Variants in ARSG observed in about 807,000 individuals in gnomAD.
ARSG encodes the protein ASG.
ARSG carries 37 observed loss-of-function variants against 50.5 expected under a neutral mutation model. That is an observed-to-expected ratio of 0.73 (90% confidence interval 0.56 to 0.96). The LOEUF is 0.96. Ranked by LOEUF, ARSG falls within the 50% of genes least tolerant of loss-of-function variation. The pLI, the probability that ARSG is intolerant of heterozygous loss-of-function variation, is 0.00. For synonymous variants in ARSG, 225 were observed against 254.6 expected, an observed-to-expected ratio of 0.88 and a Z score of 1.11; for missense variants, 629 against 675.3, an observed-to-expected ratio of 0.93 and a Z score of 0.76.
intron 11 of ARSG, among the ~76,000 whole-genome samples, chr17:68,412,187 C>T (rs932709016): frequency 1.5e-4 from 21 of 143,622 alleles, no homozygotes; most frequent in African/African-American, 3.7e-4. Flanking sequence ...TTATTTTGCT[C>T]GTTAGTTGAT....
intron 2 of ARSG, among the ~76,000 whole-genome samples, chr17:68,311,839 C>T (rs1266631551): frequency 1.5e-5 from 2 of 137,540 alleles, no homozygotes; most frequent in Non-Finnish European, 1.5e-5. Context: ...CTTGCTCTGT[C>T]GCCCAGGTTG....
intron 9 of ARSG, among the ~76,000 whole-genome samples, chr17:68,393,007 G>C (rs544004275): frequency 6.6e-6 from 1 of 152,122 alleles, no homozygotes; most frequent in Non-Finnish European, 1.5e-5. Flanking sequence ...CAGGTAGAAC[G>C]CCTCAGTTCT....
At chr17:68,291,379 C>T (rs1484213154), upstream of ARSG, 6 of 147,962 alleles carry the variant, frequency 4.1e-5, no homozygotes, top group Admixed American at 6.7e-5. Flanking sequence ...CGCTGCCTAG[C>T]TCTTATCCTA....
chr17:68,402,275 C>T (rs1000156978), intron 11 of ARSG, among the ~76,000 whole-genome samples: 1 of 152,048 alleles, frequency 6.6e-6, no homozygotes, highest in African/African-American at 2.4e-5. Context: ...GACAGAGTCT[C>T]GCTCTGTCGC....
intron 10 of ARSG, among the ~76,000 whole-genome samples, chr17:68,397,916 A>T (rs1301469740): frequency 6.6e-6 from 1 of 152,036 alleles, no homozygotes; most frequent in African/African-American, 2.4e-5. Context: ...ACAGGCGTTC[A>T]CCACCACGCC....
In ARSG at chr17:68,381,613, G is replaced by C. The variant is rs374112100; in HGVS notation, c.983-3451G>C. Reference sequence around the variant, plus strand: ...CTATGGCATAGAGGTATAAAGTCGTGGGCAACAGAAAGCCTGCAGTGACGA... The same window carrying C: ...CTATGGCATAGAGGTATAAAGTCGTCGGCAACAGAAAGCCTGCAGTGACGA... On this transcript the variant is annotated intron_variant, in intron 8 of 11. Transcript: ENST00000621439. This position sits in a 1 kb window ranked among gnomAD's most constrained non-coding sequence, Gnocchi z 4.1. Among the ~76,000 whole-genome samples the C allele has an allele frequency of 6.6e-6, 1 of 152,156 alleles. No individual in the cohort carries two copies. Among genetic ancestry groups the C allele is most frequent in the Admixed American group, 6.5e-5 (1 of 15,272 alleles).
At chr17:68,298,635 G>GACTA (rs1269575996) in intron 1 of ARSG, among the ~76,000 whole-genome samples, 8 of 145,130 alleles carry the variant, frequency 5.5e-5, no homozygotes, top group Non-Finnish European at 1.1e-4. Flanking sequence ...CACTACTGTA[G>GACTA]ACTAACAACA....
chr17:68,385,769 T>C (rs2080693558), intron 9 of ARSG, among the ~76,000 whole-genome samples: 1 of 152,026 alleles, frequency 6.6e-6, no homozygotes, highest in South Asian at 2.1e-4. Context: ...ACCGAGGCAA[T>C]AGATCCTTTG....
downstream of ARSG, chr17:68,424,308 G>A (rs1055926915): frequency 2.4e-5 from 10 of 424,534 alleles, no homozygotes; most frequent in Admixed American, 6.1e-5. Context: ...CCGCAGAGCC[G>A]ATGTGGGAAA....
chr17:68,376,862 CTT>C (rs10642908), intron 8 of ARSG, among the ~76,000 whole-genome samples: 18 of 142,116 alleles, frequency 1.3e-4, no homozygotes, highest in African/African-American at 1.3e-4. Context: ...CCTCAGTCAT[CTT>C]TTTTTTTTTT....
intron 1 of ARSG, chr17:68,278,062 C>A: frequency 6.5e-7 from 1 of 1,544,070 alleles, no homozygotes; most frequent in South Asian, 1.1e-5. Context: ...ATACTTACGT[C>A]ATGGTTAGGC....
intron 1 of ARSG, chr17:68,273,856 T>A: frequency 1.9e-6 from 3 of 1,540,752 alleles, no homozygotes; most frequent in Non-Finnish European, 2.6e-6. Context: ...TGGCTTTAAT[T>A]TCCTCCTTCC....
chr17:68,326,596 C>T (rs782104949), intron 2 of ARSG, among the ~76,000 whole-genome samples: 8 of 152,120 alleles, frequency 5.3e-5, no homozygotes, highest in South Asian at 2.1e-4. Context: ...ACCTGGGAGG[C>T]GGAGGTTGTG....
intron 5 of ARSG, among the ~76,000 whole-genome samples, chr17:68,353,121 A>G (rs2078877103): frequency 6.6e-6 from 1 of 151,836 alleles, no homozygotes; most frequent in Admixed American, 6.6e-5. Context: ...CCACGTGACC[A>G]CTGTGTGAGG....
At chr17:68,450,915 C>T in the ARSG span, 692 of 1,606,578 alleles carry the variant, frequency 4.3e-4, 4 homozygotes, top group African/African-American at 7.2e-3. Flanking sequence ...GAAAAGCAGC[C>T]GGGAGGTTAC....
chr17:68,360,867 C>T (rs151261255), intron 6 of ARSG, among the ~76,000 whole-genome samples: 2 of 152,286 alleles, frequency 1.3e-5, no homozygotes, highest in African/African-American at 4.8e-5. Flanking sequence ...TCTTGTCACC[C>T]AGACTGGAGT....
At chr17:68,430,888 G>A in the ARSG span, among the ~76,000 whole-genome samples, 1 of 152,216 alleles carries the variant, frequency 6.6e-6, no homozygotes, top group African/African-American at 2.4e-5. Context: ...TGCAGGATTA[G>A]GTCCTGGTGG....
downstream of ARSG, among the ~76,000 whole-genome samples, chr17:68,424,707 C>T (rs897970587): frequency 6.6e-6 from 1 of 152,148 alleles, no homozygotes; most frequent in Non-Finnish European, 1.5e-5. Context: ...GAAACCCCGT[C>T]TCTACTAAAA....
chr17:68,381,219 C>T lies in ARSG; in HGVS notation c.983-3845C>T, dbSNP rs2080416267. On this transcript the variant is annotated intron_variant, in intron 8 of 11. Transcript: ENST00000621439. The surrounding 1 kb of genome is among the most constrained non-coding windows in gnomAD (Gnocchi z 4.1). ...CAGTGGTGAGTCTTCCCCGGCCTGC[C>T]CCTGTCTTCATGCATCATAAAATGC... is the stretch of plus-strand genomic sequence containing the variant. Among the ~76,000 whole-genome samples the T allele has an allele frequency of 6.6e-6, 1 of 152,184 alleles. No individual in the cohort carries two copies. Among genetic ancestry groups the T allele is most frequent in the Admixed American group, 6.5e-5 (1 of 15,270 alleles).
Sources: gnomAD v4.1 joint callset for allele counts (sites outside exome capture counted in the v4.1 genomes callset) on GRCh38, gnomAD v4.1.1 for gene constraint, Gnocchi (gnomAD v3.1) non-coding constraint, MANE v1.5 for transcripts, NCBI Gene and HGNC (gene_info 2026-07-23, HGNC 2026-07-21) for gene names.